Variants in BTBD9 observed in about 807,000 individuals in gnomAD.
BTBD9 encodes BTB/POZ domain-containing protein 9.
A neutral mutation model predicts 64.3 loss-of-function variants in BTBD9; 49 were observed. That is an observed-to-expected ratio of 0.76 (90% confidence interval 0.61 to 0.97). The LOEUF is 0.97. Ranked by LOEUF, BTBD9 falls within the 50% of genes least tolerant of loss-of-function variation. BTBD9 has a pLI of 0.00. For missense variants in BTBD9, 598 were observed against 762.1 expected, an observed-to-expected ratio of 0.78 and a Z score of 2.53; for synonymous variants, 260 against 274.7, an observed-to-expected ratio of 0.95 and a Z score of 0.53.
chr6:38,574,339 T>C (rs539195364), intron 6 of BTBD9, among the ~76,000 whole-genome samples: 17 of 152,296 alleles, frequency 1.1e-4, no homozygotes, highest in Admixed American at 4.6e-4. Flanking sequence ...CCAACCAAAA[T>C]ATATGAAAAC....
intron 6 of BTBD9, among the ~76,000 whole-genome samples, chr6:38,519,502 C>T (rs1008479978): frequency 6.6e-6 from 1 of 152,042 alleles, no homozygotes; most frequent in Non-Finnish European, 1.5e-5. Flanking sequence ...ATTTATATAT[C>T]CTTGTACTGT....
intron 8 of BTBD9, among the ~76,000 whole-genome samples, chr6:38,267,813 G>A (rs760573395): frequency 1.3e-5 from 2 of 152,088 alleles, no homozygotes; most frequent in African/African-American, 4.8e-5. Flanking sequence ...GGTGGCAGGC[G>A]CCTGTAGTCC....
At chr6:38,493,423 A>C (rs1562259428) in intron 6 of BTBD9, among the ~76,000 whole-genome samples, 1 of 152,192 alleles carries the variant, frequency 6.6e-6, no homozygotes, top group Non-Finnish European at 1.5e-5. Context: ...TGGGAGGAAT[A>C]CTGAGGTTCT....
rs547612468 is a variant in BTBD9 at position 38,541,558 on chromosome 6, G to A, written c.1154+36042C>T. On this transcript the variant is annotated intron_variant, in intron 6 of 10. Coordinates refer to ENST00000481247, the MANE Select transcript of BTBD9 (RefSeq NM_001099272.2). Reference sequence around the variant, plus strand: ...TGGAGACCATCCTGGCTAATATGGCGAAGCCCCGTCTCTACTAAAAATACA... The same window carrying A: ...TGGAGACCATCCTGGCTAATATGGCAAAGCCCCGTCTCTACTAAAAATACA... Among the ~76,000 whole-genome samples the A allele has an allele frequency of 1.9e-4, 29 of 152,256 alleles. No homozygotes were observed. The East Asian group carries it at 5.0e-3, about 26-fold the overall frequency.
chr6:38,353,169 C>T (rs910618077), intron 6 of BTBD9, among the ~76,000 whole-genome samples: 1 of 152,156 alleles, frequency 6.6e-6, no homozygotes, highest in Non-Finnish European at 1.5e-5. Context: ...AAGGTGTAAA[C>T]ATAGTACACC....
chr6:38,515,908 T>C (rs1396573549), intron 6 of BTBD9, among the ~76,000 whole-genome samples: 1 of 152,204 alleles, frequency 6.6e-6, no homozygotes, highest in Non-Finnish European at 1.5e-5. Flanking sequence ...GTTTCAAAGA[T>C]AATTGGTAAT....
At chr6:38,221,753 T>G (rs1582071960) in intron 9 of BTBD9, among the ~76,000 whole-genome samples, 3 of 152,100 alleles carry the variant, frequency 2.0e-5, no homozygotes, top group South Asian at 2.1e-4. Context: ...AGCACTTTGG[T>G]AGGCCGAGGC....
intron 6 of BTBD9, among the ~76,000 whole-genome samples, chr6:38,576,916 G>A (rs2127472161): frequency 1.3e-5 from 2 of 152,168 alleles, no homozygotes; most frequent in Middle Eastern, 6.8e-3. Context: ...TACCTAAAGG[G>A]AGAATATGAA....
rs570997923 is a variant in BTBD9, at chr6:38,427,325, G to A, written c.1155-82232C>T. Among the ~76,000 whole-genome samples the A allele has an allele frequency of 9.2e-5, 14 of 151,830 alleles. No individual in the cohort carries two copies. In the South Asian group the frequency reaches 1.2e-3, roughly 13 times the overall value. On this transcript the variant is annotated intron_variant, in intron 6 of 10. Coordinates refer to ENST00000481247, the MANE Select transcript of BTBD9 (RefSeq NM_001099272.2). Reference sequence around the variant, plus strand: ...GGCAACACAGCAAGACCTCCATTTCGAAAAAGGAAAAGAAAAAAGAAATAC... The same window carrying A: ...GGCAACACAGCAAGACCTCCATTTCAAAAAAGGAAAAGAAAAAAGAAATAC...
intron 1 of BTBD9, among the ~76,000 whole-genome samples, chr6:38,630,170 C>A (rs776224043): frequency 6.7e-6 from 1 of 148,206 alleles, no homozygotes; most frequent in Non-Finnish European, 1.5e-5. Flanking sequence ...TGCCACCGCA[C>A]TCCTGGGCAA....
chr6:38,339,565 C>A (rs1033496039), intron 7 of BTBD9, among the ~76,000 whole-genome samples: 3 of 151,986 alleles, frequency 2.0e-5, no homozygotes, highest in Non-Finnish European at 4.4e-5. Context: ...TATTTAAAGA[C>A]GTTGGGAGGA....
At chr6:38,227,058 A>G (rs1021968147) in intron 9 of BTBD9, among the ~76,000 whole-genome samples, 1 of 152,224 alleles carries the variant, frequency 6.6e-6, no homozygotes, top group African/African-American at 2.4e-5. Flanking sequence ...TGAGGGTTAC[A>G]CTTAACAAGT....
intron 6 of BTBD9, among the ~76,000 whole-genome samples, chr6:38,557,408 C>T (rs770357773): frequency 1.1e-4 from 16 of 152,160 alleles, no homozygotes; most frequent in Non-Finnish European, 2.1e-4. Context: ...CAGCTTCAGT[C>T]CCAGCGGTTA....
intron 1 of BTBD9, among the ~76,000 whole-genome samples, chr6:38,603,256 A>G (rs1414354170): frequency 6.6e-6 from 1 of 152,172 alleles, no homozygotes; most frequent in African/African-American, 2.4e-5. Context: ...CCTCATATGA[A>G]TTTACTTACC....
At chr6:38,306,850 C>T (rs1293718512) in intron 7 of BTBD9, among the ~76,000 whole-genome samples, 1 of 152,190 alleles carries the variant, frequency 6.6e-6, no homozygotes, top group Non-Finnish European at 1.5e-5. Flanking sequence ...TTACAGAGGA[C>T]TGTCATCTTC....
chr6:38,630,665 C>A (rs1017058612), intron 1 of BTBD9, among the ~76,000 whole-genome samples: 11 of 152,178 alleles, frequency 7.2e-5, no homozygotes, highest in African/African-American at 2.7e-4. Flanking sequence ...AAGAGTTAAG[C>A]AGGTAATTTA....
chr6:38,240,394 G>A, intron 9 of BTBD9, among the ~76,000 whole-genome samples: 1 of 152,206 alleles, frequency 6.6e-6, no homozygotes, highest in East Asian at 1.9e-4. Flanking sequence ...CACAGAGCCT[G>A]ACCTAAAGCA....
intron 8 of BTBD9, among the ~76,000 whole-genome samples, chr6:38,269,273 ATAAT>A (rs1458301209): frequency 1.3e-5 from 2 of 152,214 alleles, no homozygotes; most frequent in Non-Finnish European, 2.9e-5. Flanking sequence ...TAAACAAAAG[ATAAT>A]TAATCAATTT....
chr6:38,224,096 C>A (rs997012324), intron 9 of BTBD9, among the ~76,000 whole-genome samples: 2 of 151,972 alleles, frequency 1.3e-5, no homozygotes, highest in African/African-American at 4.8e-5. Context: ...ACCTGTAGTC[C>A]CAGCTACTTT....
Sources: allele counts gnomAD v4.1 joint callset (sites outside exome capture counted in the v4.1 genomes callset), GRCh38; gene constraint gnomAD v4.1.1; transcripts MANE v1.5; gene names NCBI Gene and HGNC (gene_info 2026-07-23, HGNC 2026-07-21).